The following GARIN1A variants were observed in gnomAD, a reference collection of about 807,000 sequenced individuals.
GARIN1A encodes golgi associated RAB2 interactor 1A, also known as Golgi-associated RAB2 interactor protein 1A.
the GARIN1A span, chr7:128,687,235 T>C: frequency 5.9e-5 from 9 of 152,370 alleles, no homozygotes; most frequent in African/African-American, 2.2e-4. Context: ...TGTGGCTATT[T>C]GTTTACATGT....
the GARIN1A span, chr7:128,683,057 A>T: frequency 1.9e-6 from 3 of 1,611,438 alleles, no homozygotes; most frequent in Non-Finnish European, 2.5e-6. Context: ...TACCCATGAG[A>T]GCTGCCTTGA....
At chr7:128,703,102 C>T in the GARIN1A span, among the ~76,000 whole-genome samples, 1 of 152,150 alleles carries the variant, frequency 6.6e-6, no homozygotes, top group Non-Finnish European at 1.5e-5. Flanking sequence ...TAGATCAAGT[C>T]TTCAATATTC....
At chr7:128,693,215 C>G in the GARIN1A span, among the ~76,000 whole-genome samples, 65 of 152,364 alleles carry the variant, frequency 4.3e-4, no homozygotes, top group African/African-American at 1.3e-3. Context: ...ATAATTGCAA[C>G]AGCAGCCAGA....
chr7:128,705,203 G>T, the GARIN1A span, among the ~76,000 whole-genome samples: 1 of 152,182 alleles, frequency 6.6e-6, no homozygotes, highest in Non-Finnish European at 1.5e-5. Context: ...TTTCCCTCAT[G>T]AACATACATG....
chr7:128,695,651 A>T, the GARIN1A span, among the ~76,000 whole-genome samples: 1 of 151,622 alleles, frequency 6.6e-6, no homozygotes, highest in African/African-American at 2.4e-5. This position sits in a 1 kb window ranked among gnomAD's most constrained non-coding sequence, Gnocchi z 4.5. Context: ...AGTGATTCTT[A>T]TGCCTCAGCC....
chr7:128,675,534 T>A, the GARIN1A span: 123,502 of 791,062 alleles, frequency 0.16, 10,733 homozygotes, highest in East Asian at 0.32. Flanking sequence ...GGGAGGCCAA[T>A]GAAAAGGATC....
At chr7:128,706,421 G>A in the GARIN1A span, among the ~76,000 whole-genome samples, 2 of 151,738 alleles carry the variant, frequency 1.3e-5, no homozygotes, top group East Asian at 1.9e-4. Context: ...ACACACACAC[G>A]CACACACATC....
the GARIN1A span, among the ~76,000 whole-genome samples, chr7:128,676,978 A>G: frequency 0.18 from 26,967 of 151,278 alleles, 2,785 homozygotes; most frequent in South Asian, 0.28. Flanking sequence ...TTCAAGACCA[A>G]CCTGGGCAAC....
At chr7:128,680,119 T>A in the GARIN1A span, 3 of 1,572,258 alleles carry the variant, frequency 1.9e-6, no homozygotes, top group Non-Finnish European at 2.6e-6. Flanking sequence ...TTCTCACAGC[T>A]CTCAGGAAAG....
At chr7:128,695,160 C>T in the GARIN1A span, among the ~76,000 whole-genome samples, 2 of 152,204 alleles carry the variant, frequency 1.3e-5, no homozygotes, top group Non-Finnish European at 2.9e-5. This position sits in a 1 kb window ranked among gnomAD's most constrained non-coding sequence, Gnocchi z 4.5. Flanking sequence ...GGTATCTTCT[C>T]TAAGCTCCTG....
the GARIN1A span, among the ~76,000 whole-genome samples, chr7:128,692,890 C>T: frequency 2.0e-5 from 3 of 152,154 alleles, no homozygotes; most frequent in South Asian, 4.1e-4. Context: ...GGGCTCATCT[C>T]GAGAAATCCA....
At chr7:128,691,083 T>C in the GARIN1A span, 1 of 152,156 alleles carries the variant, frequency 6.6e-6, no homozygotes, top group Non-Finnish European at 1.5e-5. Context: ...TTCAAGTATG[T>C]ACTATATCTT....
the GARIN1A span, chr7:128,683,127 A>G: frequency 7.4e-6 from 12 of 1,612,344 alleles, no homozygotes; most frequent in Non-Finnish European, 1.0e-5. Flanking sequence ...TCATATAGCC[A>G]GTTACCTAGG....
At chr7:128,689,422 A>G in the GARIN1A span, among the ~76,000 whole-genome samples, 1 of 151,422 alleles carries the variant, frequency 6.6e-6, no homozygotes, top group African/African-American at 2.4e-5. Context: ...CTGGGATGTG[A>G]GGAGCGCCTC....
chr7:128,672,556 C>T, the GARIN1A span: 1 of 1,579,244 alleles, frequency 6.3e-7, no homozygotes, highest in Non-Finnish European at 8.6e-7. Context: ...TCCAGGTACC[C>T]TCGTGGAGCT....
the GARIN1A span, chr7:128,677,759 C>A: frequency 1.2e-6 from 2 of 1,613,856 alleles, no homozygotes; most frequent in Non-Finnish European, 1.7e-6. Flanking sequence ...ACCCGAGAAT[C>A]AAATTCACTC....
At chr7:128,692,392 G>T in the GARIN1A span, among the ~76,000 whole-genome samples, 1 of 152,174 alleles carries the variant, frequency 6.6e-6, no homozygotes, top group African/African-American at 2.4e-5. Flanking sequence ...TGCTGACTGG[G>T]CTCATCCTTG....
chr7:128,674,606 T>C, the GARIN1A span, among the ~76,000 whole-genome samples: 2 of 152,236 alleles, frequency 1.3e-5, no homozygotes, highest in Non-Finnish European at 2.9e-5. Context: ...CCTTTGTGTT[T>C]TGCAGAGGAT....
chr7:128,707,741 C>T, the GARIN1A span, among the ~76,000 whole-genome samples: 1 of 152,078 alleles, frequency 6.6e-6, no homozygotes, highest in Admixed American at 6.6e-5. Context: ...ATGTGAGCAC[C>T]CTGCCCGGCC....
Sources: gnomAD v4.1 joint callset for allele counts (sites outside exome capture counted in the v4.1 genomes callset) on GRCh38, gnomAD v4.1.1 for gene constraint, Gnocchi (gnomAD v3.1) non-coding constraint, MANE v1.5 for transcripts, NCBI Gene and HGNC (gene_info 2026-07-23, HGNC 2026-07-21) for gene names.